The following AMELY variants were observed in gnomAD, a reference collection of about 807,000 sequenced individuals.
AMELY encodes amelogenin, Y isoform.
In AMELY, 4 loss-of-function variants were observed where a neutral mutation model predicts 4.2. The ratio of observed to expected loss-of-function variants is 0.96; its 90% CI spans 0.47 to 2.19. The LOEUF is 2.19. Among genes scored for constraint, AMELY ranks in the 30% most tolerant of loss-of-function variants. The pLI is 0.02. For missense variants in AMELY, 32 were observed against 41.5 expected (o/e 0.77, Z 0.63); for synonymous variants, 11 against 14.7 (o/e 0.75, Z 0.57).
At chrY:6,887,326 T>C in intron 1 of AMELY, among the ~76,000 whole-genome samples, 1 of 33,507 alleles carries the variant, frequency 3.0e-5, no homozygotes, top group Non-Finnish European at 7.4e-5. Flanking sequence ...TTTTAATTTA[T>C]TTTTTGTATT....
intron 1 of AMELY, among the ~76,000 whole-genome samples, chrY:6,907,445 G>T (rs2011667171): frequency 3.2e-5 from 1 of 31,680 alleles, no homozygotes; most frequent in Admixed American, 2.9e-4. Flanking sequence ...TCTTCTGGGA[G>T]TTTTTATAGT....
intron 2 of AMELY, 33 bp from the exon 3 acceptor site, chrY:6,872,653 C>G (rs772325955): frequency 5.7e-6 from 2 of 352,701 alleles, no homozygotes; most frequent in South Asian, 6.3e-5. Flanking sequence ...CTTTTCTCAT[C>G]TCTTCTCAAA....
chrY:6,891,000 A>G (rs563136422), intron 1 of AMELY, among the ~76,000 whole-genome samples: 113 of 33,611 alleles, frequency 3.4e-3, no homozygotes, highest in African/African-American at 0.012. Flanking sequence ...GAAACCCATA[A>G]ACTTGTCTAA....
At chrY:6,879,324 C>G in intron 1 of AMELY, among the ~76,000 whole-genome samples, 1 of 33,762 alleles carries the variant, frequency 3.0e-5, no homozygotes, top group African/African-American at 1.2e-4. Context: ...GCATAAATGT[C>G]TTATTTTGAG....
chrY:6,908,564 G>GAACA (rs2011671259), intron 1 of AMELY, among the ~76,000 whole-genome samples: 1 of 30,892 alleles, frequency 3.2e-5, no homozygotes. Flanking sequence ...AAAATAACTG[G>GAACA]AACACACACA....
chrY:6,909,348 T>G, intron 1 of AMELY, among the ~76,000 whole-genome samples: 1 of 32,647 alleles, frequency 3.1e-5, no homozygotes, highest in Non-Finnish European at 7.5e-5. Flanking sequence ...GTAGCCAGGG[T>G]AGGGTTGCAT....
chrY:6,907,365 A>C, intron 1 of AMELY, among the ~76,000 whole-genome samples: 1 of 25,719 alleles, frequency 3.9e-5, no homozygotes, highest in Non-Finnish European at 7.9e-5. Context: ...CAACAAAGTG[A>C]GAGACTCTGT....
intron 1 of AMELY, among the ~76,000 whole-genome samples, chrY:6,886,006 C>G (rs2054079884): frequency 2.9e-5 from 1 of 33,988 alleles, no homozygotes; most frequent in Non-Finnish European, 7.3e-5. Context: ...ACCTGCACAT[C>G]TACTCTCTGA....
At chrY:6,889,976 C>T (rs2124083674) in intron 1 of AMELY, among the ~76,000 whole-genome samples, 1 of 29,783 alleles carries the variant, frequency 3.4e-5, no homozygotes, top group East Asian at 8.9e-4. Flanking sequence ...CAGAGCAATA[C>T]CCTGATTCAA....
At chrY:6,910,648 C>A (rs2011683408) in intron 1 of AMELY, 1 of 55,903 alleles carries the variant, frequency 1.8e-5, no homozygotes, top group African/African-American at 1.1e-4. Context: ...CGCCGCCGTG[C>A]AGTCCCGCCC....
chrY:6,908,977 C>T (rs975151737), intron 1 of AMELY, among the ~76,000 whole-genome samples: 2 of 33,555 alleles, frequency 6.0e-5, no homozygotes, highest in African/African-American at 1.2e-4. Context: ...CAAAACTTGG[C>T]TACCCTGTGC....
At chrY:6,892,943 T>TA (rs2054084340) in intron 1 of AMELY, among the ~76,000 whole-genome samples, 46 of 33,878 alleles carry the variant, frequency 1.4e-3, no homozygotes, top group South Asian at 0.011. Flanking sequence ...CTCCTTCCTT[T>TA]AGACCTTCTT....
At chrY:6,890,867 A>G (rs781153628) in intron 1 of AMELY, among the ~76,000 whole-genome samples, 2 of 33,733 alleles carry the variant, frequency 5.9e-5, no homozygotes, top group Admixed American at 5.4e-4. Context: ...ACGAAACCAG[A>G]GACTTCCTTG....
Position 6,868,365 on chromosome Y carries a change from G to C in AMELY, c.245C>G (p.Ser82Cys). The C allele has an allele frequency of 2.5e-6, 1 of 398,362 alleles. No individual in the cohort carries two copies. Among genetic ancestry groups the C allele is most frequent in the Non-Finnish European group, 3.5e-6 (1 of 283,599 alleles). The change falls in exon 6 of 7, where the codon TCT becomes TGT. Residue 82 changes from serine (S) to cysteine (C), a missense_variant. Transcript: ENST00000651267. ...TGGCACCACTGGGATGTGGTGATGA[G>C]ACTGCAGGGTGTGAGTCAGGGGGTG... is the stretch of plus-strand genomic sequence containing the variant. The part of the protein sequence containing the change: ...QQHPLTHTLQ[S>C]HHHIPVVPAQ...
At chrY:6,883,521 G>A (rs981494170) in intron 1 of AMELY, among the ~76,000 whole-genome samples, 4 of 32,219 alleles carry the variant, frequency 1.2e-4, no homozygotes, top group Non-Finnish European at 3.0e-4. Flanking sequence ...AAAAACCATC[G>A]TGACACGTGT....
chrY:6,907,467 C>T (rs2011667316), intron 1 of AMELY, among the ~76,000 whole-genome samples: 2 of 31,701 alleles, frequency 6.3e-5, no homozygotes, highest in Admixed American at 2.9e-4. Flanking sequence ...TTGTCTTTTA[C>T]ATTTAGGGCT....
intron 1 of AMELY, among the ~76,000 whole-genome samples, chrY:6,884,284 G>A: frequency 3.9e-5 from 1 of 25,423 alleles, no homozygotes; most frequent in Admixed American, 3.9e-4. Context: ...CCTGTCAGGG[G>A]CTGGGGGGCT....
intron 1 of AMELY, among the ~76,000 whole-genome samples, chrY:6,883,146 G>A (rs2054076279): frequency 9.1e-5 from 3 of 33,127 alleles, no homozygotes; most frequent in Admixed American, 2.8e-4. Flanking sequence ...ACATGCTCAC[G>A]TATGTTTATT....
chrY:6,873,989 G>A lies in AMELY; in HGVS notation c.-30C>T, dbSNP rs2054070290. Reference sequence around the variant, plus strand: ...CCACATACCTTTAAATATATTCAGAGAAACTTTCTTTGTGCTACACAGGGA... The same window carrying A: ...CCACATACCTTTAAATATATTCAGAAAAACTTTCTTTGTGCTACACAGGGA... On this transcript the variant is annotated 5_prime_UTR_variant, in exon 2 of 7. Transcript: ENST00000651267. 3.0e-5 allele frequency: 1 copy of A among 33,039 alleles called. No homozygotes were observed. The highest frequency in any genetic ancestry group is 7.5e-5 in the Non-Finnish European group (1 of 13,324). 8.2% of individuals were successfully genotyped at this position (33,039 alleles called of 400,897 possible). A position where few individuals can be genotyped will look rare whatever the true frequency, so the allele number is the denominator to read the frequency against.
Sources: gnomAD v4.1 joint callset for allele counts (sites outside exome capture counted in the v4.1 genomes callset) on GRCh38, gnomAD v4.1.1 for gene constraint, MANE v1.5 for transcripts, NCBI Gene and HGNC (gene_info 2026-07-23, HGNC 2026-07-21) for gene names.